Variants in RGL1 observed in about 807,000 individuals in gnomAD.
The protein encoded by RGL1 is ral guanine nucleotide dissociation stimulator-like 1.
In RGL1, 24 loss-of-function variants were observed where a neutral mutation model predicts 95.2. That is an observed-to-expected ratio of 0.25 (90% confidence interval 0.18 to 0.35). RGL1 has a LOEUF of 0.35. Ranked by LOEUF, RGL1 falls within the 10% of genes least tolerant of loss-of-function variation. RGL1 has a pLI of 1.00. For missense variants in RGL1, 715 were observed against 936.3 expected (o/e 0.76, Z 3.08); for synonymous variants, 329 against 344.9 (o/e 0.95, Z 0.51).
Position 183,861,742 on chromosome 1 carries a change from A to C in RGL1, c.348-4254A>C, listed in dbSNP as rs568439241. 3.9e-5 allele frequency among the ~76,000 whole-genome samples: 6 copies of C among 152,328 alleles called. 1 individual carries two copies. Among genetic ancestry groups the C allele is most frequent in the African/African-American group, 1.4e-4 (6 of 41,590 alleles). ...GGTTGGAGCTTTGATCTTAAATCCT[A>C]GGGAGGCTTTGCAGAAATTGGACAC... On this transcript the variant is annotated intron_variant, in intron 3 of 17. Transcript: ENST00000360851.
At chr1:183,870,204 GT>G (rs144195589) in intron 4 of RGL1, among the ~76,000 whole-genome samples, 21,324 of 151,956 alleles carry the variant, frequency 0.14, 1,601 homozygotes, top group Non-Finnish European at 0.17. Context: ...GTAGTCCTCT[GT>G]AAACAGGAAG....
chr1:183,794,507 C>T (rs185699019), intron 2 of RGL1, among the ~76,000 whole-genome samples: 8 of 152,298 alleles, frequency 5.3e-5, no homozygotes, highest in African/African-American at 1.9e-4. Context: ...TTGCTCACTG[C>T]ACATTGTATG....
At chr1:183,812,400 C>T (rs923172302) in intron 2 of RGL1, among the ~76,000 whole-genome samples, 3 of 152,196 alleles carry the variant, frequency 2.0e-5, no homozygotes, top group African/African-American at 7.2e-5. Flanking sequence ...CCAGTGTGAA[C>T]TCCCTCGCTG....
intron 8 of RGL1, among the ~76,000 whole-genome samples, chr1:183,889,825 A>G (rs576006396): frequency 6.6e-6 from 1 of 152,340 alleles, no homozygotes; most frequent in South Asian, 2.1e-4. Flanking sequence ...TATGACATCA[A>G]TATTTATCAG....
upstream of RGL1, among the ~76,000 whole-genome samples, chr1:183,802,618 A>T (rs920108271): frequency 4.6e-5 from 7 of 151,744 alleles, no homozygotes; most frequent in Non-Finnish European, 2.9e-5. Context: ...AAAAAAAAAA[A>T]AAACCCTTAT....
In RGL1 at chr1:183,888,529, A is replaced by G; in HGVS notation, c.1007A>G (p.Gln336Arg). ...SSLRAIVSAL[Q>R]SNSIYRLKKT... is the part of the protein sequence containing the mutation. The stretch of plus-strand genomic sequence containing the variant: ...TTGAGGGCCATCGTTTCGGCACTGC[A>G]GTCTAATTCCATCTATCGGTTAAAA... Residue 336 changes from glutamine to arginine, a missense_variant, in exon 8 of 18, where the codon CAG (glutamine) becomes CGG (arginine). By Grantham distance (43) the Gln-to-Arg change is conservative (BLOSUM62 1). Transcript: ENST00000360851. 6.2e-7 allele frequency: 1 copy of G among 1,613,492 alleles called. No individual in the cohort carries two copies. The highest frequency in any genetic ancestry group is 8.5e-7 in the Non-Finnish European group (1 of 1,179,496).
Position 183,880,575 on chromosome 1 carries a change from C to T in RGL1, c.426-41C>T, listed in dbSNP as rs564466915. On this transcript the variant is annotated intron_variant, in intron 4 of 17. Transcript: ENST00000360851. ...GTCCAGGGATTGCTTTGCCTCCCCACAGCCAGTTGGGTGCAGTGACTCTCC... is the reference window on the plus strand; with the variant it reads ...GTCCAGGGATTGCTTTGCCTCCCCATAGCCAGTTGGGTGCAGTGACTCTCC... 6.3e-6 allele frequency: 10 copies of T among 1,599,532 alleles called. No individual in the cohort carries two copies. The African/African-American group carries it at 1.1e-4, about 17-fold the overall frequency.
intron 3 of RGL1, among the ~76,000 whole-genome samples, chr1:183,864,079 T>C (rs1665680242): frequency 6.6e-6 from 1 of 152,124 alleles, no homozygotes; most frequent in African/African-American, 2.4e-5. Flanking sequence ...GTCTGAAGAA[T>C]GCAGGAAAAG....
chr1:183,882,281 G>A (rs1666867447), intron 5 of RGL1, among the ~76,000 whole-genome samples: 2 of 152,244 alleles, frequency 1.3e-5, no homozygotes, highest in Admixed American at 1.3e-4. Flanking sequence ...ACATTGGGCT[G>A]CTGTGTTTGC....
intron 1 of RGL1, among the ~76,000 whole-genome samples, chr1:183,737,068 G>A (rs1307767117): frequency 6.6e-6 from 1 of 152,144 alleles, no homozygotes; most frequent in Admixed American, 6.5e-5. Context: ...ATCAAACAAA[G>A]TTCAGCATGG....
chr1:183,901,159 C>T (rs577186743), intron 11 of RGL1, among the ~76,000 whole-genome samples: 3 of 152,042 alleles, frequency 2.0e-5, no homozygotes, highest in South Asian at 2.1e-4. Flanking sequence ...ATCAGCCGGG[C>T]ATGGTGACAC....
intron 1 of RGL1, among the ~76,000 whole-genome samples, chr1:183,672,060 G>A (rs1196961809): frequency 6.6e-6 from 1 of 151,806 alleles, no homozygotes; most frequent in African/African-American, 2.4e-5. Flanking sequence ...AGCCTCCTGA[G>A]TAGCTGGGAT....
chr1:183,784,183 C>T (rs753948380), intron 2 of RGL1, among the ~76,000 whole-genome samples: 8 of 152,098 alleles, frequency 5.3e-5, no homozygotes, highest in Non-Finnish European at 1.0e-4. Flanking sequence ...GGCTGGCAGA[C>T]AAGGCATTAG....
intron 3 of RGL1, among the ~76,000 whole-genome samples, chr1:183,854,657 C>T (rs1326429832): frequency 6.6e-6 from 1 of 151,130 alleles, no homozygotes; most frequent in Non-Finnish European, 1.5e-5. Flanking sequence ...TTTTTCCTGT[C>T]TTTTTTTTTA....
At chr1:183,684,343 G>T (rs1358543108) in intron 1 of RGL1, among the ~76,000 whole-genome samples, 1 of 152,114 alleles carries the variant, frequency 6.6e-6, no homozygotes, top group Non-Finnish European at 1.5e-5. Flanking sequence ...GACTTTGGAT[G>T]GGGTTTTTGT....
intron 1 of RGL1, among the ~76,000 whole-genome samples, chr1:183,711,528 CTGGG>C (rs751453771): frequency 1.3e-5 from 2 of 152,130 alleles, no homozygotes; most frequent in African/African-American, 2.4e-5. Flanking sequence ...CCCACTCTTA[CTGGG>C]TCTTTCCAAC....
At chr1:183,839,550 G>T (rs1663893228) in intron 2 of RGL1, among the ~76,000 whole-genome samples, 1 of 152,168 alleles carries the variant, frequency 6.6e-6, no homozygotes, top group African/African-American at 2.4e-5. Context: ...AGCCCTTGCA[G>T]TTGCTTATCT....
At chr1:183,859,205 A>G (rs1665353041) in intron 3 of RGL1, among the ~76,000 whole-genome samples, 1 of 152,202 alleles carries the variant, frequency 6.6e-6, no homozygotes, top group African/African-American at 2.4e-5. Flanking sequence ...AGGAGTAGCT[A>G]CGGATGGGCC....
At chr1:183,738,947 G>A (rs1657117461) in intron 1 of RGL1, among the ~76,000 whole-genome samples, 1 of 152,152 alleles carries the variant, frequency 6.6e-6, no homozygotes, top group South Asian at 2.1e-4. Context: ...TAAAATGCTA[G>A]ATTTGAAGAG....
Sources: allele counts gnomAD v4.1 joint callset (sites outside exome capture counted in the v4.1 genomes callset), GRCh38; gene constraint gnomAD v4.1.1; transcripts MANE v1.5; gene names NCBI Gene and HGNC (gene_info 2026-07-23, HGNC 2026-07-21).